FHIT: variants seen among roughly 807,000 people sequenced by gnomAD.
The protein encoded by FHIT is fragile histidine triad diadenosine triphosphatase, also known as bis(5'-adenosyl)-triphosphatase.
In FHIT, 19 loss-of-function variants were observed where a neutral mutation model predicts 17.9. The observed-to-expected ratio is 1.06, with a 90% CI of 0.74 to 1.56. The LOEUF (loss-of-function observed/expected upper bound fraction) is 1.56. Among genes scored for constraint, FHIT ranks in the 40% most tolerant of loss-of-function variants. FHIT has a pLI of 0.00. For synonymous variants in FHIT, 81 were observed against 69.7 expected, an observed-to-expected ratio of 1.16 and a Z score of -0.81; for missense variants, 248 against 189.2, an observed-to-expected ratio of 1.31 and a Z score of -1.82.
At chr3:59,955,509 A>G (rs1195900831) in intron 7 of FHIT, among the ~76,000 whole-genome samples, 1 of 152,038 alleles carries the variant, frequency 6.6e-6, no homozygotes, top group African/African-American at 2.4e-5. Flanking sequence ...GCTGGCACAC[A>G]CTTTTATATC....
intron 4 of FHIT, among the ~76,000 whole-genome samples, chr3:60,724,204 T>G (rs1432948936): frequency 6.6e-6 from 1 of 152,212 alleles, no homozygotes; most frequent in East Asian, 1.9e-4. Flanking sequence ...TTTACCTATT[T>G]TTGACACTTC....
intron 5 of FHIT, among the ~76,000 whole-genome samples, chr3:60,533,578 C>A (rs921424959): frequency 6.6e-6 from 1 of 152,122 alleles, no homozygotes; most frequent in Non-Finnish European, 1.5e-5. Flanking sequence ...AAGTGAGTGT[C>A]ACAAACAGAG....
At chr3:60,814,378 T>C (rs1373138935) in intron 4 of FHIT, among the ~76,000 whole-genome samples, 2 of 152,062 alleles carry the variant, frequency 1.3e-5, no homozygotes, top group Non-Finnish European at 2.9e-5. Context: ...GCTCTAGTAG[T>C]CCCCAGTGTC....
intron 7 of FHIT, among the ~76,000 whole-genome samples, chr3:60,009,379 T>A (rs747477761): frequency 6.6e-6 from 1 of 152,132 alleles, no homozygotes; most frequent in Non-Finnish European, 1.5e-5. Flanking sequence ...AGAATCGTTT[T>A]AAAAAGTTCA....
chr3:59,849,006 T>C (rs1189029034), intron 8 of FHIT, among the ~76,000 whole-genome samples: 2 of 152,244 alleles, frequency 1.3e-5, no homozygotes, highest in Non-Finnish European at 2.9e-5. Context: ...AGGACAGTAC[T>C]CTCATATATG....
chr3:60,993,618 C>A (rs1016208608), intron 3 of FHIT, among the ~76,000 whole-genome samples: 4 of 152,310 alleles, frequency 2.6e-5, no homozygotes, highest in Admixed American at 6.5e-5. Flanking sequence ...TATCCTAACT[C>A]TCTCCATTAA....
At chr3:60,235,116 A>C (rs1389476101) in intron 5 of FHIT, among the ~76,000 whole-genome samples, 1 of 152,034 alleles carries the variant, frequency 6.6e-6, no homozygotes, top group Non-Finnish European at 1.5e-5. Context: ...GTCCTTTCCC[A>C]TCTTCCTCTC....
At chr3:60,796,183 G>C (rs2108131936) in intron 4 of FHIT, among the ~76,000 whole-genome samples, 1 of 152,244 alleles carries the variant, frequency 6.6e-6, no homozygotes, top group East Asian at 1.9e-4. Flanking sequence ...ACAACACGTG[G>C]GAATTCGGGG....
At chr3:60,476,682 G>C (rs767889262) in intron 5 of FHIT, among the ~76,000 whole-genome samples, 2 of 152,106 alleles carry the variant, frequency 1.3e-5, no homozygotes, top group Non-Finnish European at 2.9e-5. Flanking sequence ...CCTAGGGAGC[G>C]AGACACACCT....
intron 1 of FHIT, among the ~76,000 whole-genome samples, chr3:61,245,621 C>T (rs1265949501): frequency 2.6e-5 from 4 of 152,286 alleles, no homozygotes; most frequent in Admixed American, 1.3e-4. Flanking sequence ...AACATACATG[C>T]TTATCCCACA....
At position 60,139,132 on chromosome 3, in the gene FHIT, G is replaced by C. The variant is rs556569608; in HGVS notation, c.104-124980C>G. ...CAAGTGCATCTAACTGGCAAACAAGGAATCAGATCCAGGGCCTTAGCTGTA... is the reference window on the plus strand; with the variant it reads ...CAAGTGCATCTAACTGGCAAACAAGCAATCAGATCCAGGGCCTTAGCTGTA... On this transcript the variant is annotated intron_variant, in intron 5 of 9. Coordinates refer to ENST00000492590, the MANE Select transcript of FHIT (RefSeq NM_002012.4). Among the ~76,000 whole-genome samples, 6 of 152,218 alleles carry C rather than the reference G, an allele frequency of 3.9e-5. No individual in the cohort carries two copies. The South Asian group carries it at 8.3e-4, about 21-fold the overall frequency.
chr3:60,131,210 T>G (rs1699583774), intron 5 of FHIT, among the ~76,000 whole-genome samples: 1 of 151,872 alleles, frequency 6.6e-6, no homozygotes, highest in African/African-American at 2.4e-5. Flanking sequence ...CATATAACCT[T>G]CCCACCTCCT....
intron 5 of FHIT, among the ~76,000 whole-genome samples, chr3:60,467,098 T>TTG (rs534226614): frequency 6.6e-6 from 1 of 151,950 alleles, no homozygotes; most frequent in African/African-American, 2.4e-5. Context: ...TCTTGGTAGG[T>TTG]TGTGTGTGTC....
intron 5 of FHIT, among the ~76,000 whole-genome samples, chr3:60,035,394 G>A (rs1193239738): frequency 1.3e-5 from 2 of 152,136 alleles, no homozygotes; most frequent in Admixed American, 6.5e-5. Flanking sequence ...CTGCCACCAT[G>A]CCCAGCTAAT....
At chr3:60,850,323 TTCTCTCTCTCTCTCTCTCTCTCTC>T (rs3046704) in intron 3 of FHIT, among the ~76,000 whole-genome samples, 11 of 120,134 alleles carry the variant, frequency 9.2e-5, no homozygotes, top group African/African-American at 1.3e-4. Context: ...GTGTCTGCAC[TTCTCTCTCTCTCTCTCTCTCTCTC>T]TCTCTCTCTC....
In FHIT at chr3:60,135,748, G is replaced by A. The variant is rs367806116; in HGVS notation, c.104-121596C>T. ...TAGCAGAGACTCCAATACCATGTCTGAAGCAACTTCTTTGAAATCAAAATG... is the reference window on the plus strand; with the variant it reads ...TAGCAGAGACTCCAATACCATGTCTAAAGCAACTTCTTTGAAATCAAAATG... On this transcript the variant is annotated intron_variant, in intron 5 of 9. Coordinates refer to ENST00000492590, the MANE Select transcript of FHIT (RefSeq NM_002012.4). Among the ~76,000 whole-genome samples the A allele has an allele frequency of 8.5e-5, 13 of 152,226 alleles. No homozygotes were observed. In the South Asian group the frequency reaches 2.5e-3, roughly 29 times the overall value.
intron 3 of FHIT, among the ~76,000 whole-genome samples, chr3:60,823,045 T>C (rs1393763689): frequency 6.6e-6 from 1 of 152,194 alleles, no homozygotes; most frequent in African/African-American, 2.4e-5. Flanking sequence ...CAGCTCAATG[T>C]AGTAATTGAA....
intron 3 of FHIT, among the ~76,000 whole-genome samples, chr3:60,978,580 C>T (rs887459662): frequency 1.3e-5 from 2 of 152,204 alleles, no homozygotes; most frequent in Non-Finnish European, 2.9e-5. Flanking sequence ...AATTCCAACT[C>T]TGCAACTGAT....
At chr3:60,196,565 T>A (rs747723200) in intron 5 of FHIT, among the ~76,000 whole-genome samples, 1 of 152,104 alleles carries the variant, frequency 6.6e-6, no homozygotes, top group Admixed American at 6.6e-5. Context: ...TTCACAGGTG[T>A]TGGGGATTAG....
Sources: gnomAD v4.1 joint callset for allele counts (sites outside exome capture counted in the v4.1 genomes callset) on GRCh38, gnomAD v4.1.1 for gene constraint, MANE v1.5 for transcripts, NCBI Gene and HGNC (gene_info 2026-07-23, HGNC 2026-07-21) for gene names.